MDM1: variants seen among roughly 807,000 people sequenced by gnomAD.
MDM1 encodes Mdm1 nuclear protein.
In MDM1, 61 loss-of-function variants were observed where a neutral mutation model predicts 89.1. The observed-to-expected ratio is 0.68, with a 90% CI of 0.56 to 0.85. The LOEUF is 0.85. Ranked by LOEUF, MDM1 falls within the 40% of genes least tolerant of loss-of-function variation. MDM1 has a pLI of 0.00. For synonymous variants in MDM1, 290 were observed against 294.1 expected (o/e 0.99, Z 0.14); for missense variants, 820 against 846.5 (o/e 0.97, Z 0.39).
chr12:68,323,295 G>A, intron 4 of MDM1, 55 bp from the exon 5 acceptor site: 5 of 1,284,056 alleles, frequency 3.9e-6, no homozygotes, highest in East Asian at 2.6e-5. Context: ...GCGGAACTTT[G>A]GTCTTCAATT....
At chr12:68,329,697 G>C (rs770574926) in intron 2 of MDM1, among the ~76,000 whole-genome samples, 22 of 152,130 alleles carry the variant, frequency 1.4e-4, no homozygotes, top group Non-Finnish European at 2.9e-4. Context: ...TTAGGTACTG[G>C]GTGGTGAATA....
chr12:68,316,559 T>G (rs899571715), intron 8 of MDM1, 22 bp downstream of exon 8: 1 of 1,527,548 alleles, frequency 6.5e-7, no homozygotes, highest in South Asian at 1.2e-5. Flanking sequence ...TTATAGTTTT[T>G]AAAAACTCAA....
intron 2 of MDM1, chr12:68,327,647 A>G: frequency 1.3e-6 from 1 of 783,744 alleles, no homozygotes; most frequent in Non-Finnish European, 2.1e-6. Flanking sequence ...ACAGCCACTG[A>G]GAGACTGCCC....
intron 4 of MDM1, chr12:68,325,085 TA>T (rs1329683714): frequency 1.1e-6 from 1 of 950,354 alleles, no homozygotes. Context: ...CGCAATATAT[TA>T]GTCAACAAAA....
Position 68,326,889 on chromosome 12 carries a change from G to C in MDM1, c.266C>G (p.Pro89Arg), listed in dbSNP as rs556289246. 25 of 1,613,932 alleles carry C rather than the reference G, an allele frequency of 1.5e-5. No homozygotes were observed. Among genetic ancestry groups the C allele is most frequent in the Middle Eastern group, 3.3e-4 (2 of 6,084 alleles). Reference protein sequence around the residue: ...NVVASPEPEAPETPKSQEAEQ... With the variant: ...NVVASPEPEARETPKSQEAEQ... ...TGCTTCTTGTGATTTTGGTGTTTCC[G>C]GGGCTTCTGGTTCTGGTGATGCAAC... Residue 89 changes from proline to arginine, a missense_variant, in exon 3 of 15, where the codon CCG becomes CGG. Coordinates refer to ENST00000682720, the MANE Select transcript of MDM1 (RefSeq NM_001354969.2).
intron 5 of MDM1, among the ~76,000 whole-genome samples, chr12:68,322,512 T>C (rs1392112655): frequency 6.6e-6 from 1 of 152,130 alleles, no homozygotes; most frequent in African/African-American, 2.4e-5. Context: ...CGTGCATCTG[T>C]AGTCCCAGCT....
In MDM1 at chr12:68,318,889, A is replaced by C. The variant is rs144676507; in HGVS notation, c.1006-2279T>G. 4.4e-3 allele frequency among the ~76,000 whole-genome samples: 665 copies of C among 152,326 alleles called. 3 individuals are homozygous for C. Among genetic ancestry groups the C allele is most frequent in the Middle Eastern group, 0.02 (6 of 294 alleles). On this transcript the variant is annotated intron_variant, in intron 7 of 14. Coordinates refer to ENST00000682720, the MANE Select transcript of MDM1 (RefSeq NM_001354969.2). ...AACATATGCAGAAAATTCAAACTCA[A>C]GAAACTGGGGATAAAAACTCCTTTT...
chr12:68,323,024 T>G (rs762025300), intron 5 of MDM1, 49 bp downstream of exon 5: 1 of 1,549,176 alleles, frequency 6.5e-7, no homozygotes, highest in Admixed American at 2.1e-5. Flanking sequence ...ACGTGGAGAA[T>G]CTAAAATAAC....
intron 3 of MDM1, 176 bp from the exon 4 acceptor site, chr12:68,325,751 A>G: frequency 1.6e-6 from 2 of 1,250,318 alleles, no homozygotes; most frequent in Non-Finnish European, 2.0e-6. Context: ...TTCAACTTAT[A>G]AATAGTATCT....
chr12:68,324,158 T>C (rs1875628300), intron 4 of MDM1, among the ~76,000 whole-genome samples: 8 of 152,136 alleles, frequency 5.3e-5, no homozygotes, highest in Admixed American at 5.2e-4. Context: ...GTAAAACTAC[T>C]GAATATATCG....
At chr12:68,307,679 T>C (rs1337621418) in intron 12 of MDM1, among the ~76,000 whole-genome samples, 1 of 151,694 alleles carries the variant, frequency 6.6e-6, no homozygotes, top group African/African-American at 2.4e-5. Context: ...GGTTGTAACC[T>C]GTAATCCCAG....
At position 68,295,384 on chromosome 12, in the gene MDM1, C is replaced by T. The variant is rs561744204; in HGVS notation, c.2063-18G>A. On this transcript the variant is annotated intron_variant, in intron 14 of 14. Coordinates refer to ENST00000682720, the MANE Select transcript of MDM1 (RefSeq NM_001354969.2). ...GTCCTCATCTGCAATGAAAAAATCC[C>T]GAGATTATATTCATTGCCAAAAATA... 2.6e-5 allele frequency: 40 copies of T among 1,510,614 alleles called. No individual in the cohort carries two copies. The highest frequency in any genetic ancestry group is 3.2e-5 in the Non-Finnish European group (35 of 1,095,158). The allele number at this position is 1,510,614 out of a possible 1,614,324, so 93.6% of individuals were successfully genotyped here.
chr12:68,323,348 CAA>C, intron 4 of MDM1, 108 bp from the exon 5 acceptor site: 1 of 728,190 alleles, frequency 1.4e-6, no homozygotes, highest in East Asian at 2.9e-5. Context: ...AAAAAAATAG[CAA>C]AGTTATATAT....
intron 4 of MDM1, chr12:68,325,032 A>G: frequency 1.0e-6 from 1 of 979,622 alleles, no homozygotes; most frequent in Non-Finnish European, 1.2e-6. Flanking sequence ...TGTATTTATT[A>G]AATATTCAAA....
rs1391051033 is a variant in MDM1 at position 68,302,675 on chromosome 12, C to A, written c.1947G>T (p.Trp649Cys). The change falls in exon 13 of 15, where the codon TGG becomes TGT. Residue 649 changes from tryptophan (W) to cysteine (C), a missense_variant. Coordinates refer to ENST00000682720, the MANE Select transcript of MDM1 (RefSeq NM_001354969.2). ...LPSPPHVPSY[W>C]HPSRRIQGSL... ...AGCCCTGAATTCGTCGAGAGGGATG[C>A]CAGTAGGATGGAACATGTGGTGGAG... The A allele has an allele frequency of 1.2e-6, 2 of 1,613,508 alleles. No homozygotes were observed. Among genetic ancestry groups the A allele is most frequent in the African/African-American group, 2.7e-5 (2 of 74,834 alleles).
chr12:68,326,220 A>G (rs1875951182), intron 3 of MDM1: 2 of 1,106,966 alleles, frequency 1.8e-6, no homozygotes, highest in Non-Finnish European at 2.2e-6. Context: ...AGAGACAGCC[A>G]GAGCTCTCCT....
intron 14 of MDM1, among the ~76,000 whole-genome samples, chr12:68,296,472 T>TG (rs1344552969): frequency 6.6e-6 from 1 of 152,350 alleles, no homozygotes; most frequent in Non-Finnish European, 1.5e-5. Flanking sequence ...CACTCCAGCC[T>TG]GGCGACAGAG....
chr12:68,302,984 G>GACAC, intron 12 of MDM1, 112 bp from the exon 13 acceptor site: 3 of 950,346 alleles, frequency 3.2e-6, no homozygotes, highest in Non-Finnish European at 4.4e-6. Flanking sequence ...GGAGAAATAT[G>GACAC]AGAGAATTTA....
intron 7 of MDM1, among the ~76,000 whole-genome samples, chr12:68,318,955 C>T (rs530111411): frequency 5.9e-5 from 9 of 152,156 alleles, no homozygotes; most frequent in South Asian, 2.1e-4. Context: ...TCACTTTATA[C>T]CTAGTCTTTA....
Sources: gnomAD v4.1 joint callset for allele counts (sites outside exome capture counted in the v4.1 genomes callset) on GRCh38, gnomAD v4.1.1 for gene constraint, MANE v1.5 for transcripts, NCBI Gene and HGNC (gene_info 2026-07-23, HGNC 2026-07-21) for gene names.